Variants in DCAF5 observed in about 807,000 individuals in gnomAD.
The protein encoded by DCAF5 is DDB1 and CUL4 associated factor 5.
A neutral mutation model predicts 80.7 loss-of-function variants in DCAF5; 9 were observed. That is an observed-to-expected ratio of 0.11 (90% CI 0.07 to 0.19). The LOEUF (loss-of-function observed/expected upper bound fraction) is 0.19. Among genes scored for constraint, DCAF5 ranks in the 10% least tolerant of loss-of-function variants. The pLI, the probability that DCAF5 is intolerant of heterozygous loss-of-function variation, is 1.00. For synonymous variants in DCAF5, 433 were observed against 461.9 expected, an observed-to-expected ratio of 0.94 and a Z score of 0.80; for missense variants, 842 against 1,205.7, an observed-to-expected ratio of 0.70 and a Z score of 4.47.
chr14:69,087,366 C>T (rs532598601), intron 6 of DCAF5, among the ~76,000 whole-genome samples: 8 of 152,240 alleles, frequency 5.3e-5, no homozygotes, highest in African/African-American at 1.9e-4. Context: ...GAAGTGAAAG[C>T]AAGAAGAACC....
At chr14:69,129,350 G>A (rs895954939) in intron 1 of DCAF5, among the ~76,000 whole-genome samples, 13 of 152,132 alleles carry the variant, frequency 8.5e-5, no homozygotes, top group African/African-American at 3.1e-4. Flanking sequence ...GGTATTAAGA[G>A]CCCTATGCAA....
chr14:69,127,621 G>C (rs1056340674), intron 1 of DCAF5, among the ~76,000 whole-genome samples: 15 of 152,094 alleles, frequency 9.9e-5, no homozygotes, highest in African/African-American at 3.6e-4. Flanking sequence ...GAACTCTAAG[G>C]TTCATTTTTT....
intron 2 of DCAF5, among the ~76,000 whole-genome samples, chr14:69,120,181 T>G (rs1349739000): frequency 2.0e-5 from 3 of 152,136 alleles, no homozygotes; most frequent in Non-Finnish European, 4.4e-5. Flanking sequence ...CCTCCTGTGC[T>G]CAAGCAATCT....
intron 6 of DCAF5, chr14:69,083,820 A>C (rs2039209830): frequency 2.8e-6 from 2 of 722,744 alleles, no homozygotes; most frequent in Admixed American, 4.2e-5. Context: ...CTCCTAAAGA[A>C]ACAGAAAATA....
chr14:69,068,465 G>A (rs55845230), intron 7 of DCAF5, among the ~76,000 whole-genome samples: 13 of 152,126 alleles, frequency 8.5e-5, no homozygotes, highest in Non-Finnish European at 1.5e-4. Context: ...TTGGGAGGCC[G>A]AGGCAGGAGG....
chr14:69,119,488 T>C (rs574101917), intron 2 of DCAF5, among the ~76,000 whole-genome samples: 3 of 150,976 alleles, frequency 2.0e-5, no homozygotes, highest in South Asian at 4.2e-4. Context: ...CAGTGGATGA[T>C]GTAAAAAAAA....
At chr14:69,090,996 C>G (rs939542825) in intron 6 of DCAF5, 7 of 697,134 alleles carry the variant, frequency 1.0e-5, no homozygotes, top group Non-Finnish European at 1.8e-5. Flanking sequence ...CAACTGGTCA[C>G]TGACACTTCA....
intron 7 of DCAF5, among the ~76,000 whole-genome samples, chr14:69,073,257 T>A (rs2038770171): frequency 2.0e-5 from 3 of 151,944 alleles, no homozygotes; most frequent in Non-Finnish European, 4.4e-5. Flanking sequence ...AACTTCCTTA[T>A]AAGAAGGGGA....
chr14:69,087,060 T>C (rs1467265808), intron 6 of DCAF5, among the ~76,000 whole-genome samples: 1 of 152,208 alleles, frequency 6.6e-6, no homozygotes, highest in Non-Finnish European at 1.5e-5. Context: ...GACTATCCAG[T>C]TCGAGGCAAA....
At chr14:69,111,261 A>C (rs970510005) in intron 5 of DCAF5, among the ~76,000 whole-genome samples, 1 of 152,206 alleles carries the variant, frequency 6.6e-6, no homozygotes, top group African/African-American at 2.4e-5. Context: ...CCCAGGCCCC[A>C]AAAAACAGAC....
intron 6 of DCAF5, chr14:69,083,769 A>G: frequency 1.5e-6 from 1 of 682,222 alleles, no homozygotes; most frequent in Admixed American, 2.3e-5. Context: ...AAAAAGCAAA[A>G]ACTGAAAACA....
intron 5 of DCAF5, among the ~76,000 whole-genome samples, chr14:69,108,424 C>T (rs934134506): frequency 1.3e-5 from 2 of 152,060 alleles, no homozygotes; most frequent in South Asian, 2.1e-4. Flanking sequence ...GGAGAAGAGA[C>T]GCAAGCTAAG....
At chr14:69,077,639 A>G (rs369189296) in intron 6 of DCAF5, among the ~76,000 whole-genome samples, 2 of 152,030 alleles carry the variant, frequency 1.3e-5, no homozygotes, top group Non-Finnish European at 2.9e-5. Flanking sequence ...CAGCCTCCCA[A>G]TGTGTTGGGA....
At chr14:69,088,473 A>C (rs956122585) in intron 6 of DCAF5, among the ~76,000 whole-genome samples, 2 of 152,224 alleles carry the variant, frequency 1.3e-5, no homozygotes, top group Non-Finnish European at 2.9e-5. Context: ...AATTTCTTGA[A>C]ATGTTAATTT....
chr14:69,099,251 AAC>A (rs60913200), intron 5 of DCAF5, among the ~76,000 whole-genome samples: 12,748 of 124,128 alleles, frequency 0.1, 735 homozygotes, highest in Non-Finnish European at 0.14. Flanking sequence ...ACTCTGTCTC[AAC>A]ACACACACAC....
At chr14:69,110,375 C>T (rs1167541301) in intron 5 of DCAF5, among the ~76,000 whole-genome samples, 1 of 151,002 alleles carries the variant, frequency 6.6e-6, no homozygotes, top group Non-Finnish European at 1.5e-5. Flanking sequence ...GTTCAAGCCT[C>T]CTGCCTCAGC....
chr14:69,058,474 G>A (rs759946947), intron 8 of DCAF5, among the ~76,000 whole-genome samples: 7 of 151,830 alleles, frequency 4.6e-5, no homozygotes, highest in South Asian at 2.1e-4. Flanking sequence ...AGCCGAGATC[G>A]CGCCACTGCA....
chr14:69,122,399 A>C, intron 1 of DCAF5, 39 bp from the exon 2 acceptor site: 3 of 1,586,564 alleles, frequency 1.9e-6, no homozygotes, highest in Non-Finnish European at 2.6e-6. Flanking sequence ...AAAACAGCTG[A>C]CATCGCAAGG....
chr14:69,118,132 A>G lies in DCAF5; in HGVS notation c.535+7T>C, dbSNP rs2040597370. ...CAGTCCAACAGTCATTTGCACAGTG[A>G]GCCTACCTCCATGGGGGGATTCCCG... On this transcript the variant is annotated splice_region_variant and intron_variant, in intron 4 of 8. Transcript: ENST00000341516. This position sits in a 1 kb window ranked among gnomAD's most constrained non-coding sequence, Gnocchi z 4.0. 1 of 1,613,728 alleles carries G rather than the reference A, an allele frequency of 6.2e-7. No homozygotes were observed.
Sources: gnomAD v4.1 joint callset for allele counts (sites outside exome capture counted in the v4.1 genomes callset) on GRCh38, gnomAD v4.1.1 for gene constraint, Gnocchi (gnomAD v3.1) non-coding constraint, MANE v1.5 for transcripts, NCBI Gene and HGNC (gene_info 2026-07-23, HGNC 2026-07-21) for gene names.